Variants in VCL observed in about 807,000 individuals in gnomAD.
VCL encodes epididymis luminal protein 114.
A neutral mutation model predicts 125.7 loss-of-function variants in VCL; 47 were observed. That is an observed-to-expected ratio of 0.37 (90% CI 0.30 to 0.48). VCL has a LOEUF of 0.48. VCL is among the 20% of genes least tolerant of loss of function. VCL has a pLI of 0.99. For synonymous variants in VCL, 458 were observed against 514.6 expected (o/e 0.89, Z 1.49); for missense variants, 1,069 against 1,455.5 (o/e 0.73, Z 4.32).
intron 19 of VCL, 48 bp from the exon 20 acceptor site, chr10:74,114,136 T>C (rs1840273545): frequency 4.4e-6 from 7 of 1,606,750 alleles, no homozygotes; most frequent in Non-Finnish European, 3.4e-6. Flanking sequence ...TTCCTTAACA[T>C]GGCCAGAGCG....
At chr10:74,068,723 G>A (rs74146313) in intron 2 of VCL, among the ~76,000 whole-genome samples, 9,573 of 152,156 alleles carry the variant, frequency 0.063, 1,036 homozygotes, top group African/African-American at 0.22. Flanking sequence ...GTGGGGAAAT[G>A]TACATTTTTG....
intron 13 of VCL, among the ~76,000 whole-genome samples, chr10:74,099,616 G>A (rs1436242777): frequency 1.3e-5 from 2 of 152,180 alleles, no homozygotes; most frequent in Non-Finnish European, 2.9e-5. Flanking sequence ...CACATAGTAG[G>A]TGCTCAGTAA....
At chr10:74,079,239 G>C (rs1271414468) in intron 6 of VCL, among the ~76,000 whole-genome samples, 1 of 152,112 alleles carries the variant, frequency 6.6e-6, no homozygotes, top group Admixed American at 6.6e-5. Flanking sequence ...CATGGTGGGG[G>C]AGGACCCAGA....
intron 1 of VCL, among the ~76,000 whole-genome samples, chr10:74,007,803 T>C (rs1344902623): frequency 3.3e-5 from 5 of 151,740 alleles, no homozygotes; most frequent in African/African-American, 1.2e-4. Flanking sequence ...GCCTAAATTT[T>C]TTTTTCCTTT....
At chr10:74,016,246 C>G (rs778532449) in intron 1 of VCL, among the ~76,000 whole-genome samples, 1 of 151,984 alleles carries the variant, frequency 6.6e-6, no homozygotes, top group Non-Finnish European at 1.5e-5. Flanking sequence ...TCTTGTTGTT[C>G]GTGTTGTTTT....
intron 11 of VCL, 135 bp from the exon 12 acceptor site, chr10:74,095,521 C>T (rs951575084): frequency 1.8e-6 from 2 of 1,112,992 alleles, no homozygotes; most frequent in Non-Finnish European, 2.6e-6. Flanking sequence ...GCCGGCAGGT[C>T]AAGGCTGCAA....
At chr10:74,054,323 T>G (rs537255041) in intron 2 of VCL, among the ~76,000 whole-genome samples, 1 of 152,230 alleles carries the variant, frequency 6.6e-6, no homozygotes, top group Admixed American at 6.5e-5. Context: ...GTTAGGTGGT[T>G]ACAAGTTTGT....
intron 6 of VCL, among the ~76,000 whole-genome samples, chr10:74,081,272 G>GT (rs1359369219): frequency 1.5e-4 from 23 of 152,312 alleles, no homozygotes; most frequent in African/African-American, 4.3e-4. Context: ...TGAGAGATCT[G>GT]TCTTTTGAAT....
chr10:74,005,444 T>C (rs1249985480), intron 1 of VCL, among the ~76,000 whole-genome samples: 3 of 151,568 alleles, frequency 2.0e-5, no homozygotes, highest in African/African-American at 4.8e-5. Context: ...TTAGTAGAGA[T>C]GGGGTTTCAC....
At chr10:74,015,411 G>A (rs181380238) in intron 1 of VCL, among the ~76,000 whole-genome samples, 10 of 152,100 alleles carry the variant, frequency 6.6e-5, no homozygotes, top group East Asian at 2.0e-4. Flanking sequence ...AAAATTAGCC[G>A]GGCGTGGTGG....
chr10:74,088,530 A>G (rs936805833), intron 8 of VCL, among the ~76,000 whole-genome samples: 1 of 152,186 alleles, frequency 6.6e-6, no homozygotes, highest in Non-Finnish European at 1.5e-5. Flanking sequence ...ATAGATTTTT[A>G]TTGCCAGTGT....
chr10:74,042,955 A>G lies in VCL; in HGVS notation c.169-128A>G, dbSNP rs956359500. 213 of 970,468 alleles carry G rather than the reference A, an allele frequency of 2.2e-4. 1 individual carries two copies. Among genetic ancestry groups the G allele is most frequent in the Middle Eastern group, 3.3e-4 (1 of 3,050 alleles). 60.1% of individuals were successfully genotyped at this position (970,468 alleles called of 1,614,324 possible). A position where few individuals can be genotyped will look rare whatever the true frequency, so the allele number is the denominator to read the frequency against. On this transcript the variant is annotated intron_variant, in intron 1 of 21. Transcript: ENST00000211998. ...TCCTAAAAAATTTTTTAAATCCAGAAATCTCCCTTAAATCTAGAAACTTTA... is the reference window on the plus strand; with the variant it reads ...TCCTAAAAAATTTTTTAAATCCAGAGATCTCCCTTAAATCTAGAAACTTTA...
intron 1 of VCL, among the ~76,000 whole-genome samples, chr10:74,031,859 G>A (rs1840878916): frequency 6.6e-6 from 1 of 152,028 alleles, no homozygotes; most frequent in South Asian, 2.1e-4. Context: ...GTGGTCAGGA[G>A]TTCCAGACCA....
chr10:74,029,392 C>T (rs555517241), intron 1 of VCL, among the ~76,000 whole-genome samples: 36 of 152,264 alleles, frequency 2.4e-4, no homozygotes, highest in African/African-American at 7.5e-4. Flanking sequence ...GGATTACAGG[C>T]GTGAGCCACT....
At chr10:74,036,719 A>T (rs1840986625) in intron 1 of VCL, among the ~76,000 whole-genome samples, 1 of 151,602 alleles carries the variant, frequency 6.6e-6, no homozygotes, top group Non-Finnish European at 1.5e-5. Context: ...AAAAAAAAGT[A>T]AAAAAGAAGC....
At chr10:74,105,454 G>A (rs1840117257) in intron 16 of VCL, 101 bp downstream of exon 16, 1 of 1,482,094 alleles carries the variant, frequency 6.7e-7, no homozygotes, top group Non-Finnish European at 9.3e-7. Context: ...ACAAAGTCTG[G>A]GGGCAAAAAC....
chr10:74,010,735 T>A (rs1351544990), intron 1 of VCL, among the ~76,000 whole-genome samples: 1 of 152,048 alleles, frequency 6.6e-6, no homozygotes, highest in East Asian at 1.9e-4. Context: ...AAACCCACTG[T>A]CTTAAAATAC....
intron 1 of VCL, among the ~76,000 whole-genome samples, chr10:74,027,426 C>T (rs1285093174): frequency 2.0e-5 from 3 of 150,372 alleles, no homozygotes; most frequent in African/African-American, 4.9e-5. Flanking sequence ...TTTGGGAGGC[C>T]GAGGTAGGTG....
rs1400680360 is a variant in VCL at position 74,119,881 on chromosome 10, ATTAC to A, written c.*1716_*1719del. ...TCACTTGTTGTTTTACTAAAGAAAG[ATTAC>A]TTAGAGGAAATAAGAAAAATCATGT... On this transcript the variant is annotated 3_prime_UTR_variant, in exon 22 of 22. Transcript: ENST00000211998. The A allele has an allele frequency of 6.6e-6, 1 of 152,414 alleles. No individual in the cohort carries two copies. Among genetic ancestry groups the A allele is most frequent in the Admixed American group, 6.5e-5 (1 of 15,274 alleles). The allele number at this position is 152,414 out of a possible 1,614,324, so 9.4% of individuals were successfully genotyped here. A position where few individuals can be genotyped will look rare whatever the true frequency, so the allele number is the denominator to read the frequency against.
Sources: gnomAD v4.1 joint callset for allele counts (sites outside exome capture counted in the v4.1 genomes callset) on GRCh38, gnomAD v4.1.1 for gene constraint, MANE v1.5 for transcripts, NCBI Gene and HGNC (gene_info 2026-07-23, HGNC 2026-07-21) for gene names.